The following ZNF367 variants were observed in gnomAD, a reference collection of about 807,000 sequenced individuals.
The protein encoded by ZNF367 is zinc finger protein 367, also known as C2H2 zinc finger protein ZFF29.
In ZNF367, 11 loss-of-function variants were observed where a neutral mutation model predicts 31.8. The ratio of observed to expected loss-of-function variants is 0.35; its 90% confidence interval spans 0.22 to 0.57. The LOEUF (loss-of-function observed/expected upper bound fraction) is 0.57, where lower values mean the gene tolerates loss of function less well. Among genes scored for constraint, ZNF367 ranks in the 20% least tolerant of loss-of-function variants. ZNF367 has a pLI of 0.85. For missense variants in ZNF367, 353 were observed against 484.1 expected, an observed-to-expected ratio of 0.73 and a Z score of 2.54; for synonymous variants, 199 against 202.4, an observed-to-expected ratio of 0.98 and a Z score of 0.14.
intron 4 of ZNF367, among the ~76,000 whole-genome samples, chr9:96,391,186 C>G (rs1197219242): frequency 6.6e-6 from 1 of 152,174 alleles, no homozygotes; most frequent in Non-Finnish European, 1.5e-5. Context: ...GGCCCAGAAG[C>G]TCTGCTAGGC....
rs1282227231 is a variant in ZNF367, at chr9:96,416,094, T to G, written c.420+1519A>C. Among the ~76,000 whole-genome samples the G allele has an allele frequency of 6.0e-3, 895 of 149,656 alleles. 9 individuals carry two copies. Among genetic ancestry groups the G allele is most frequent in the African/African-American group, 0.02 (819 of 40,810 alleles). ...ATGGTTTTTTTTTTTGTTGTTTTTT[T>G]TTTTTTTTTTTGAGACGGATTCTCG... On this transcript the variant is annotated intron_variant, in intron 1 of 4. Transcript: ENST00000375256.
chr9:96,413,038 A>G (rs1831771697), intron 1 of ZNF367, among the ~76,000 whole-genome samples: 1 of 152,118 alleles, frequency 6.6e-6, no homozygotes, highest in Non-Finnish European at 1.5e-5. Context: ...TCAGCTTAAT[A>G]TTTAAAAAAC....
rs57650386 is a variant in ZNF367, at chr9:96,400,392, C to CAA, written c.421-2080_421-2079dup. On this transcript the variant is annotated intron_variant, in intron 1 of 4. Coordinates refer to ENST00000375256, the MANE Select transcript of ZNF367 (RefSeq NM_153695.4). ...TGGGCAATAGAGCAAGACCCTGTCT[C>CAA]AAAAAAAAAAAAAAAAAAAAGGAAA... is the stretch of plus-strand genomic sequence containing the variant. Among the ~76,000 whole-genome samples the CAA allele has an allele frequency of 4.4e-3, 317 of 71,678 alleles. 1 individual carries two copies. The highest frequency in any genetic ancestry group is 6.2e-3 in the African/African-American group (105 of 16,820). 47.0% of individuals were successfully genotyped at this position (71,678 alleles called of 152,430 possible).
chr9:96,416,185 C>T (rs537452397), intron 1 of ZNF367, among the ~76,000 whole-genome samples: 1 of 149,548 alleles, frequency 6.7e-6, no homozygotes, highest in East Asian at 2.0e-4. Context: ...CCTCCCGCTT[C>T]ACGCCATTCT....
chr9:96,416,097 T>G (rs942151303), intron 1 of ZNF367, among the ~76,000 whole-genome samples: 8 of 149,862 alleles, frequency 5.3e-5, no homozygotes, highest in African/African-American at 1.7e-4. Context: ...GTTTTTTTTT[T>G]TTTTTTTTGA....
At chr9:96,404,288 G>A (rs1308147348) in intron 1 of ZNF367, among the ~76,000 whole-genome samples, 1 of 151,294 alleles carries the variant, frequency 6.6e-6, no homozygotes. Context: ...ATGAAACCCC[G>A]TCTCTACTAA....
intron 3 of ZNF367, among the ~76,000 whole-genome samples, chr9:96,392,753 C>T (rs1831486754): frequency 6.6e-6 from 1 of 152,170 alleles, no homozygotes; most frequent in African/African-American, 2.4e-5. Flanking sequence ...CATGTGTGTC[C>T]AACACCATTG....
rs1335082387 is a variant in ZNF367 at position 96,386,619 on chromosome 9, G to A, written c.*1618C>T. ...ATTACAAAAAAATCCCTAAAGATTTGTAATTTACTGTACAGAGGAATTACA... is the reference window on the plus strand; with the variant it reads ...ATTACAAAAAAATCCCTAAAGATTTATAATTTACTGTACAGAGGAATTACA... On this transcript the variant is annotated 3_prime_UTR_variant, in exon 5 of 5. Transcript: ENST00000375256. 2 of 152,054 alleles carry A rather than the reference G, an allele frequency of 1.3e-5. No homozygotes were observed. The highest frequency in any genetic ancestry group is 2.9e-5 in the Non-Finnish European group (2 of 67,956). 9.4% of individuals were successfully genotyped at this position (152,054 alleles called of 1,614,324 possible). A position where few individuals can be genotyped will look rare whatever the true frequency, so the allele number is the denominator to read the frequency against.
intron 4 of ZNF367, among the ~76,000 whole-genome samples, chr9:96,391,761 G>GT (rs748006393): frequency 1.3e-5 from 2 of 152,074 alleles, no homozygotes; most frequent in Non-Finnish European, 2.9e-5. Flanking sequence ...TATCCCTGGT[G>GT]TTTTTTTGTT....
At chr9:96,406,856 G>C (rs1831676521) in intron 1 of ZNF367, among the ~76,000 whole-genome samples, 1 of 151,746 alleles carries the variant, frequency 6.6e-6, no homozygotes, top group South Asian at 2.1e-4. Context: ...CAAAAAATTA[G>C]CTGGGCGCGG....
chr9:96,416,700 C>T (rs1022852663), intron 1 of ZNF367, among the ~76,000 whole-genome samples: 2 of 152,196 alleles, frequency 1.3e-5, no homozygotes, highest in African/African-American at 4.8e-5. Context: ...CTTCTGTTAG[C>T]ACCATTCATT....
chr9:96,397,355 A>T (rs1188681992), intron 2 of ZNF367, among the ~76,000 whole-genome samples: 1 of 152,162 alleles, frequency 6.6e-6, no homozygotes, highest in Non-Finnish European at 1.5e-5. Flanking sequence ...TAAAATGCAA[A>T]TATAATTTCC....
chr9:96,404,641 A>T (rs1464388966), intron 1 of ZNF367, among the ~76,000 whole-genome samples: 1 of 152,106 alleles, frequency 6.6e-6, no homozygotes, highest in Non-Finnish European at 1.5e-5. Context: ...GTCTCCAAAA[A>T]AAAAAAAGAC....
chr9:96,417,752 G>A lies in ZNF367; in HGVS notation c.281C>T (p.Ala94Val). Residue 94 changes from alanine to valine, a missense_variant, in exon 1 of 5, where the codon GCC becomes GTC. Physicochemically the swap from Ala to Val is moderately conservative, Grantham distance 64. This residue lies in a region of ZNF367 where 70 missense variants were observed against 57.1 expected (regional missense o/e 1.23). Coordinates refer to ENST00000375256, the MANE Select transcript of ZNF367 (RefSeq NM_153695.4). This position sits in a 1 kb window ranked among gnomAD's most constrained non-coding sequence, Gnocchi z 5.0. ...PGAAGAAASAALPAAAAAEHS... is the reference protein window; with the variant it reads ...PGAAGAAASAVLPAAAAAEHS... Reference sequence around the variant, plus strand: ...CTCGGCGGCTGCGGCTGCAGGCAGGGCGGCCGAGGCGGCGGCCCCCGCGGC... The same window carrying A: ...CTCGGCGGCTGCGGCTGCAGGCAGGACGGCCGAGGCGGCGGCCCCCGCGGC... 8.1e-7 allele frequency: 1 copy of A among 1,233,882 alleles called. No individual in the cohort carries two copies. Among genetic ancestry groups the A allele is most frequent in the Non-Finnish European group, 1.0e-6 (1 of 987,482 alleles). 76.4% of individuals were successfully genotyped at this position (1,233,882 alleles called of 1,614,324 possible).
rs1831416844 is a variant in ZNF367 at position 96,387,281 on chromosome 9, C to T, written c.*956G>A. 1 of 152,136 alleles carries T rather than the reference C, an allele frequency of 6.6e-6. No homozygotes were observed. The highest frequency in any genetic ancestry group is 1.5e-5 in the Non-Finnish European group (1 of 68,012). 9.4% of individuals were successfully genotyped at this position (152,136 alleles called of 1,614,324 possible). A position where few individuals can be genotyped will look rare whatever the true frequency, so the allele number is the denominator to read the frequency against. On this transcript the variant is annotated 3_prime_UTR_variant, in exon 5 of 5. Coordinates refer to ENST00000375256, the MANE Select transcript of ZNF367 (RefSeq NM_153695.4). Reference sequence around the variant, plus strand: ...ACTGAAAATATAAATATGGAGGCTTCCATTTGCTAATAATTCTAAACAAGC... The same window carrying T: ...ACTGAAAATATAAATATGGAGGCTTTCATTTGCTAATAATTCTAAACAAGC...
chr9:96,404,870 C>A (rs1831652116), intron 1 of ZNF367, among the ~76,000 whole-genome samples: 1 of 151,810 alleles, frequency 6.6e-6, no homozygotes. Context: ...TGATAAGGGC[C>A]TAGTATCAAG....
chr9:96,388,509 A>G (rs1831431479), intron 4 of ZNF367, 50 bp from the exon 5 acceptor site: 2 of 1,524,848 alleles, frequency 1.3e-6, no homozygotes, highest in Non-Finnish European at 8.9e-7. Context: ...GAAATTTCCA[A>G]ATGTTTACTT....
intron 3 of ZNF367, among the ~76,000 whole-genome samples, chr9:96,394,179 G>T (rs192316165): frequency 2.0e-5 from 3 of 152,202 alleles, no homozygotes; most frequent in African/African-American, 2.4e-5. Context: ...GCCCTTTAAG[G>T]TTTCATCAAA....
At chr9:96,408,927 C>T (rs1831706536) in intron 1 of ZNF367, among the ~76,000 whole-genome samples, 1 of 152,200 alleles carries the variant, frequency 6.6e-6, no homozygotes, top group Non-Finnish European at 1.5e-5. Flanking sequence ...TGTTTGTCCC[C>T]TCCAAATCTC....
Sources: allele counts gnomAD v4.1 joint callset (sites outside exome capture counted in the v4.1 genomes callset), GRCh38; gene constraint gnomAD v4.1.1; regional missense constraint gnomAD v4.1.1; non-coding constraint Gnocchi (gnomAD v3.1); transcripts MANE v1.5; gene names NCBI Gene and HGNC (gene_info 2026-07-23, HGNC 2026-07-21).